Variants in PCDH17 observed in about 807,000 individuals in gnomAD.
The protein encoded by PCDH17 is protocadherin 17, also known as protocadherin-17.
In PCDH17, 21 loss-of-function variants were observed where a neutral mutation model predicts 67.7. That is an observed-to-expected ratio of 0.31 (90% CI 0.22 to 0.45). PCDH17 has a LOEUF of 0.45. Ranked by LOEUF, PCDH17 falls within the 20% of genes least tolerant of loss-of-function variation. PCDH17 has a pLI of 1.00. For missense variants in PCDH17, 1,471 were observed against 1,564.8 expected (o/e 0.94, Z 1.01); for synonymous variants, 701 against 656.7 (o/e 1.07, Z -1.03).
chr13:57,676,431 T>A (rs1180453586), intron 3 of PCDH17, among the ~76,000 whole-genome samples: 1 of 151,800 alleles, frequency 6.6e-6, no homozygotes, highest in Non-Finnish European at 1.5e-5. Context: ...GAGTTTAGAT[T>A]TAGACATGTT....
chr13:57,686,086 C>T (rs894259118), intron 3 of PCDH17, among the ~76,000 whole-genome samples: 1 of 140,240 alleles, frequency 7.1e-6, no homozygotes, highest in Non-Finnish European at 1.6e-5. Context: ...GAGATCTCAT[C>T]TCTGAAAAAA....
At chr13:57,685,831 A>G (rs2138054733) in intron 3 of PCDH17, among the ~76,000 whole-genome samples, 1 of 152,106 alleles carries the variant, frequency 6.6e-6, no homozygotes, top group East Asian at 1.9e-4. Context: ...TTTGCCTGTA[A>G]TCCCAGCCCT....
intron 1 of PCDH17, among the ~76,000 whole-genome samples, chr13:57,660,931 C>A (rs1417408541): frequency 1.3e-5 from 2 of 152,100 alleles, no homozygotes; most frequent in African/African-American, 4.8e-5. Flanking sequence ...TGTCTGTTCA[C>A]CTTTTGAAAG....
chr13:57,720,301 T>C (rs1396196297), intron 3 of PCDH17, among the ~76,000 whole-genome samples: 1 of 151,984 alleles, frequency 6.6e-6, no homozygotes, highest in African/African-American at 2.4e-5. Flanking sequence ...TACATGAAAT[T>C]CTAAAATCAG....
intron 3 of PCDH17, among the ~76,000 whole-genome samples, chr13:57,721,758 C>G (rs1955873727): frequency 6.6e-6 from 1 of 152,042 alleles, no homozygotes; most frequent in Non-Finnish European, 1.5e-5. Context: ...TCCTTCCCTT[C>G]ACTTTGTTTT....
intron 1 of PCDH17, among the ~76,000 whole-genome samples, chr13:57,650,434 G>A (rs1842765255): frequency 6.6e-6 from 1 of 151,902 alleles, no homozygotes; most frequent in South Asian, 2.1e-4. Flanking sequence ...TTTGACTACA[G>A]GGCCAGTTAC....
At chr13:57,639,305 T>A (rs1954862358) in intron 1 of PCDH17, among the ~76,000 whole-genome samples, 1 of 151,934 alleles carries the variant, frequency 6.6e-6, no homozygotes, top group Non-Finnish European at 1.5e-5. Context: ...ATTTAAAATA[T>A]AATCAGATAT....
At position 57,634,017 on chromosome 13, in the gene PCDH17, C is replaced by T. The variant is rs1233456192; in HGVS notation, c.1471C>T (p.Leu491=). The T allele has an allele frequency of 6.2e-7, 1 of 1,613,482 alleles. No individual in the cohort carries two copies. Among genetic ancestry groups the T allele is most frequent in the Non-Finnish European group, 8.5e-7 (1 of 1,180,020 alleles). ...VHENNIPGEY[L]GSVLAQDPDL... Reference sequence around the variant, plus strand: ...CGAGAACAACATCCCGGGAGAGTACCTGGGCTCTGTGCTCGCCCAGGATCC... The same window carrying T: ...CGAGAACAACATCCCGGGAGAGTACTTGGGCTCTGTGCTCGCCCAGGATCC... Residue 491 remains leucine, a synonymous_variant, in exon 1 of 4, where the codon CTG becomes TTG. Coordinates refer to ENST00000377918, the MANE Select transcript of PCDH17 (RefSeq NM_001040429.3). This position sits in a 1 kb window ranked among gnomAD's most constrained non-coding sequence, Gnocchi z 7.8.
intron 3 of PCDH17, among the ~76,000 whole-genome samples, chr13:57,668,714 TAA>T (rs992989022): frequency 6.6e-6 from 1 of 152,100 alleles, no homozygotes; most frequent in African/African-American, 2.4e-5. Flanking sequence ...ATTGCTAGTC[TAA>T]GAGTAAGAAT....
In PCDH17 at chr13:57,633,223, C is replaced by G; in HGVS notation, c.677C>G (p.Thr226Ser). 1 of 1,613,338 alleles carries G rather than the reference C, an allele frequency of 6.2e-7. No homozygotes were observed. The highest frequency in any genetic ancestry group is 8.5e-7 in the Non-Finnish European group (1 of 1,180,016). The change falls in exon 1 of 4, where the codon ACC becomes AGC. Residue 226 changes from threonine to serine, a missense_variant. Thr to Ser is a moderately conservative substitution (Grantham distance 58). Coordinates refer to ENST00000377918, the MANE Select transcript of PCDH17 (RefSeq NM_001040429.3). The surrounding 1 kb of genome is among the most constrained non-coding windows in gnomAD (Gnocchi z 6.2). Reference sequence around the variant, plus strand: ...GGTGGCGAGCCTCCACGTTCCGCCACCGTACAGATCAACGTGAAGGTGATT... The same window carrying G: ...GGTGGCGAGCCTCCACGTTCCGCCAGCGTACAGATCAACGTGAAGGTGATT... ...LDGGEPPRSA[T>S]VQINVKVIDS...
At chr13:57,677,427 T>G (rs941648192) in intron 3 of PCDH17, among the ~76,000 whole-genome samples, 2 of 151,808 alleles carry the variant, frequency 1.3e-5, no homozygotes, top group South Asian at 2.1e-4. Context: ...ACTTAAGAGA[T>G]GAACAGAATT....
intron 3 of PCDH17, among the ~76,000 whole-genome samples, chr13:57,691,782 A>G (rs1955561468): frequency 6.6e-6 from 1 of 151,226 alleles, no homozygotes; most frequent in Admixed American, 6.6e-5. Context: ...CCTATCTAGG[A>G]TAATTTTAGT....
chr13:57,715,840 T>C (rs1270452338), intron 3 of PCDH17, among the ~76,000 whole-genome samples: 5 of 151,954 alleles, frequency 3.3e-5, no homozygotes, highest in Non-Finnish European at 4.4e-5. Context: ...TGAAATGTTA[T>C]GTTTGGTTAA....
At chr13:57,661,853 TAGTA>T (rs1290708444) in intron 1 of PCDH17, among the ~76,000 whole-genome samples, 2 of 152,138 alleles carry the variant, frequency 1.3e-5, no homozygotes, top group Non-Finnish European at 2.9e-5. Flanking sequence ...GTGGCTTCAA[TAGTA>T]AGTCTTTTTG....
intron 3 of PCDH17, among the ~76,000 whole-genome samples, chr13:57,705,293 C>A (rs1230605597): frequency 1.3e-5 from 2 of 151,630 alleles, no homozygotes; most frequent in African/African-American, 2.4e-5. Context: ...ATAATCAATG[C>A]CTTTTAATAA....
chr13:57,637,927 G>A (rs538655218), intron 1 of PCDH17, among the ~76,000 whole-genome samples: 1 of 152,096 alleles, frequency 6.6e-6, no homozygotes, highest in African/African-American at 2.4e-5. Flanking sequence ...GAGTATGGAT[G>A]CTAAGCATTC....
At chr13:57,693,338 A>ATATATATTTATATATATATATATT (rs1401987726) in intron 3 of PCDH17, among the ~76,000 whole-genome samples, 3 of 142,124 alleles carry the variant, frequency 2.1e-5, no homozygotes, top group South Asian at 2.2e-4. Context: ...ATATATATAT[A>ATATATATTTATATATATATATATT]TATATATCAA....
chr13:57,718,010 A>T (rs1955836959), intron 3 of PCDH17, among the ~76,000 whole-genome samples: 1 of 151,968 alleles, frequency 6.6e-6, no homozygotes, highest in African/African-American at 2.4e-5. Context: ...TTGTAACAAG[A>T]TATATTTTCC....
At chr13:57,687,701 A>G (rs1955521016) in intron 3 of PCDH17, among the ~76,000 whole-genome samples, 1 of 152,048 alleles carries the variant, frequency 6.6e-6, no homozygotes. Flanking sequence ...AATATATAAA[A>G]TAACTAACTA....
Sources: allele counts gnomAD v4.1 joint callset (sites outside exome capture counted in the v4.1 genomes callset), GRCh38; gene constraint gnomAD v4.1.1; non-coding constraint Gnocchi (gnomAD v3.1); transcripts MANE v1.5; gene names NCBI Gene and HGNC (gene_info 2026-07-23, HGNC 2026-07-21).